PLEKHA3: variants seen among roughly 807,000 people sequenced by gnomAD.
The protein encoded by PLEKHA3 is pleckstrin homology domain-containing family A member 3.
A neutral mutation model predicts 39.2 loss-of-function variants in PLEKHA3; 19 were observed. That is an observed-to-expected ratio of 0.48 (90% CI 0.34 to 0.71). PLEKHA3 has a LOEUF of 0.71. Ranked by LOEUF, PLEKHA3 falls within the 30% of genes least tolerant of loss-of-function variation. The pLI is 0.01. For synonymous variants in PLEKHA3, 97 were observed against 118.6 expected, an observed-to-expected ratio of 0.82 and a Z score of 1.18; for missense variants, 253 against 359.5, an observed-to-expected ratio of 0.70 and a Z score of 2.40.
rs755919448 is a variant in PLEKHA3, at chr2:178,494,023, T to C, written c.450+34T>C. 4 of 1,604,692 alleles carry C rather than the reference T, an allele frequency of 2.5e-6. No homozygotes were observed. The African/African-American group carries it at 4.0e-5, about 16-fold the overall frequency. On this transcript the variant is annotated intron_variant, in intron 4 of 7. Transcript: ENST00000234453. ...AAGAGGATCTCTTCACGTGTGGTTA[T>C]GCTTTGGAGTACTCTGGGGGGATCC...
chr2:178,494,469 T>G (rs1458468322), intron 4 of PLEKHA3, among the ~76,000 whole-genome samples: 4 of 151,898 alleles, frequency 2.6e-5, no homozygotes, highest in Admixed American at 6.6e-5. Flanking sequence ...TTCTTCATGG[T>G]AAAATAGGAC....
At position 178,514,438 on chromosome 2, in the gene PLEKHA3, A is replaced by T. The variant is rs1322867558; in HGVS notation, c.*10551A>T. The T allele has an allele frequency of 6.6e-6, 1 of 151,960 alleles. No homozygotes were observed. The highest frequency in any genetic ancestry group is 2.4e-5 in the African/African-American group (1 of 41,400). 9.4% of individuals were successfully genotyped at this position (151,960 alleles called of 1,614,324 possible). On this transcript the variant is annotated 3_prime_UTR_variant, in exon 8 of 8. Transcript: ENST00000234453. ...TATATATCTTTACTCACAATAAGCA[A>T]AGTTGAACAACTTAAAATTGATTCC... is the stretch of plus-strand genomic sequence containing the variant.
chr2:178,493,783 T>C, intron 3 of PLEKHA3, 70 bp from the exon 4 acceptor site: 1 of 1,366,972 alleles, frequency 7.3e-7, no homozygotes, highest in Non-Finnish European at 1.0e-6. Context: ...TTTTAAATGA[T>C]TACATTTTGT....
At chr2:178,500,133 A>T (rs1685507579) in intron 6 of PLEKHA3, among the ~76,000 whole-genome samples, 1 of 152,132 alleles carries the variant, frequency 6.6e-6, no homozygotes. Flanking sequence ...ATAGTCCTTT[A>T]AGTTGCTATG....
intron 6 of PLEKHA3, among the ~76,000 whole-genome samples, chr2:178,499,630 G>T (rs1429996165): frequency 6.6e-6 from 1 of 152,004 alleles, no homozygotes; most frequent in East Asian, 1.9e-4. Flanking sequence ...TCCATGTTTA[G>T]GTATGTTTAG....
At position 178,507,658 on chromosome 2, in the gene PLEKHA3, G is replaced by GTTTTTTGTTTTTTTTT. The variant is rs1685624147; in HGVS notation, c.*3777_*3778insGTTTTTTTTTTTTTTT. 3.5e-5 allele frequency: 1 copy of GTTTTTTGTTTTTTTTT among 28,818 alleles called. No individual in the cohort carries two copies. Among genetic ancestry groups the GTTTTTTGTTTTTTTTT allele is most frequent in the East Asian group, 7.7e-4 (1 of 1,298 alleles). The allele number at this position is 28,818 out of a possible 1,614,324, so 1.8% of individuals were successfully genotyped here. A position where few individuals can be genotyped will look rare whatever the true frequency, so the allele number is the denominator to read the frequency against. On this transcript the variant is annotated 3_prime_UTR_variant, in exon 8 of 8. Coordinates refer to ENST00000234453, the MANE Select transcript of PLEKHA3 (RefSeq NM_019091.4). ...CCTTTAGTTTTTAGTCTCACATTAG[G>GTTTTTTGTTTTTTTTT]TTTTTTTTTTTTTTTTTTTTTTTTT...
Position 178,505,021 on chromosome 2 carries a change from CAT to C in PLEKHA3, c.*1137_*1138del, listed in dbSNP as rs776157638. On this transcript the variant is annotated 3_prime_UTR_variant, in exon 8 of 8. Transcript: ENST00000234453. ...ACTGGTGTGTTGTTTTTAAGTTAATCATATGTTTAATAAATGCGTGGTTTTTG... is the reference window on the plus strand; with the variant it reads ...ACTGGTGTGTTGTTTTTAAGTTAATCATGTTTAATAAATGCGTGGTTTTTG... 8 of 152,328 alleles carry C rather than the reference CAT, an allele frequency of 5.3e-5. No individual in the cohort carries two copies. Among genetic ancestry groups the C allele is most frequent in the Admixed American group, 6.6e-5 (1 of 15,236 alleles). 9.4% of individuals were successfully genotyped at this position (152,328 alleles called of 1,614,324 possible).
Position 178,512,347 on chromosome 2 carries a change from AAATG to A in PLEKHA3, c.*8463_*8466del, listed in dbSNP as rs1349631028. 1.3e-5 allele frequency: 2 copies of A among 152,218 alleles called. No homozygotes were observed. The highest frequency in any genetic ancestry group is 4.8e-5 in the African/African-American group (2 of 41,458). 9.4% of individuals were successfully genotyped at this position (152,218 alleles called of 1,614,324 possible). A position where few individuals can be genotyped will look rare whatever the true frequency, so the allele number is the denominator to read the frequency against. On this transcript the variant is annotated 3_prime_UTR_variant, in exon 8 of 8. Coordinates refer to ENST00000234453, the MANE Select transcript of PLEKHA3 (RefSeq NM_019091.4). Reference sequence around the variant, plus strand: ...TGCATTAAGCAATTTTTTTTGACATAAATGAAGGGTTGTTTCCATGGGTAATATA... The same window carrying A: ...TGCATTAAGCAATTTTTTTTGACATAAAGGGTTGTTTCCATGGGTAATATA...
chr2:178,482,366 AAAAAAC>A (rs960439072), intron 1 of PLEKHA3, among the ~76,000 whole-genome samples: 4 of 151,866 alleles, frequency 2.6e-5, no homozygotes, highest in Non-Finnish European at 4.4e-5. Flanking sequence ...GTCTCTACTA[AAAAAAC>A]AAAAACAAAA....
rs1685599336 is a variant in PLEKHA3 at position 178,506,218 on chromosome 2, G to A, written c.*2331G>A. ...CTTTTTTTTGCTTTGTCTAGGTCAT[G>A]GGGTTATTGAGAAACATGAAAAGTT... On this transcript the variant is annotated 3_prime_UTR_variant, in exon 8 of 8. Coordinates refer to ENST00000234453, the MANE Select transcript of PLEKHA3 (RefSeq NM_019091.4). The A allele has an allele frequency of 6.6e-6, 1 of 152,008 alleles. No individual in the cohort carries two copies. Among genetic ancestry groups the A allele is most frequent in the African/African-American group, 2.4e-5 (1 of 41,416 alleles). 9.4% of individuals were successfully genotyped at this position (152,008 alleles called of 1,614,324 possible). A position where few individuals can be genotyped will look rare whatever the true frequency, so the allele number is the denominator to read the frequency against.
At chr2:178,491,257 C>T (rs1276057796) in intron 3 of PLEKHA3, among the ~76,000 whole-genome samples, 3 of 152,078 alleles carry the variant, frequency 2.0e-5, no homozygotes, top group Admixed American at 6.6e-5. Context: ...GTAATCCGCT[C>T]GCCTCGGCCT....
Position 178,493,269 on chromosome 2 carries a change from A to T in PLEKHA3, c.314-584A>T, listed in dbSNP as rs576118396. ...AATTTTGAAAATAGTATAATGTGAG[A>T]ATGAAACTGAAAGAAACAGAAGAAA... On this transcript the variant is annotated intron_variant, in intron 3 of 7. Transcript: ENST00000234453. Among the ~76,000 whole-genome samples, 202 of 152,350 alleles carry T rather than the reference A, an allele frequency of 1.3e-3. 1 individual carries two copies. The highest frequency in any genetic ancestry group is 4.7e-3 in the African/African-American group (196 of 41,584).
intron 3 of PLEKHA3, among the ~76,000 whole-genome samples, chr2:178,492,386 C>T (rs550149233): frequency 6.9e-6 from 1 of 145,952 alleles, no homozygotes; most frequent in Non-Finnish European, 1.5e-5. Context: ...TAGAATATTA[C>T]TCAGCTTTAA....
chr2:178,501,015 GT>G (rs1338762277), intron 6 of PLEKHA3, 45 bp from the exon 7 acceptor site: 1 of 1,223,026 alleles, frequency 8.2e-7, no homozygotes, highest in Admixed American at 2.1e-5. Context: ...GTGTGTTTTT[GT>G]TTATGTAAGG....
chr2:178,487,584 A>G (rs928912711), intron 2 of PLEKHA3, among the ~76,000 whole-genome samples: 3 of 152,060 alleles, frequency 2.0e-5, no homozygotes, highest in African/African-American at 7.2e-5. Context: ...GACCAGAGGC[A>G]CATGTCACTA....
chr2:178,495,593 C>A lies in PLEKHA3; in HGVS notation c.548C>A (p.Pro183His), dbSNP rs569201800. The change falls in exon 5 of 8, where the codon CCT (proline) becomes CAT (histidine). Residue 183 changes from proline to histidine, a missense_variant. This residue lies in a region of PLEKHA3 where 126 missense variants were observed against 222.7 expected (regional missense o/e 0.57). Coordinates refer to ENST00000234453, the MANE Select transcript of PLEKHA3 (RefSeq NM_019091.4). ...CVKIANAKFK[P>H]EMFQLHHPDP... is the part of the protein sequence containing the mutation. ...AAGATAGCCAATGCCAAGTTTAAAC[C>A]TGAGATGTTTCAACTGCACCATCCG... 4 of 1,614,126 alleles carry A rather than the reference C, an allele frequency of 2.5e-6. No homozygotes were observed. Among genetic ancestry groups the A allele is most frequent in the Non-Finnish European group, 3.4e-6 (4 of 1,179,990 alleles).
intron 1 of PLEKHA3, among the ~76,000 whole-genome samples, chr2:178,482,221 A>G (rs144297790): frequency 7.9e-5 from 12 of 152,318 alleles, no homozygotes; most frequent in African/African-American, 2.6e-4. Flanking sequence ...GAGAGCAGTT[A>G]TACTGTTTGG....
chr2:178,492,439 A>G (rs187718576), intron 3 of PLEKHA3, among the ~76,000 whole-genome samples: 7 of 135,952 alleles, frequency 5.1e-5, no homozygotes, highest in Non-Finnish European at 1.5e-5. Flanking sequence ...TGAACCTTAT[A>G]GACATTACAA....
rs909744774 is a variant in PLEKHA3, at chr2:178,504,831, C to G, written c.*944C>G. The G allele has an allele frequency of 2.6e-5, 4 of 152,436 alleles. No homozygotes were observed. In the East Asian group the frequency reaches 7.7e-4, roughly 29 times the overall value. 9.4% of individuals were successfully genotyped at this position (152,436 alleles called of 1,614,324 possible). On this transcript the variant is annotated 3_prime_UTR_variant, in exon 8 of 8. Transcript: ENST00000234453. ...AAGGAATTCTGTCAAGATGACTGCTCTATATCACTTGAGAATGGCATTATT... is the reference window on the plus strand; with the variant it reads ...AAGGAATTCTGTCAAGATGACTGCTGTATATCACTTGAGAATGGCATTATT...
Sources: gnomAD v4.1 joint callset for allele counts (sites outside exome capture counted in the v4.1 genomes callset) on GRCh38, gnomAD v4.1.1 for gene constraint, gnomAD v4.1.1 regional missense constraint, MANE v1.5 for transcripts, NCBI Gene and HGNC (gene_info 2026-07-23, HGNC 2026-07-21) for gene names.